CFHR5: variants seen among roughly 807,000 people sequenced by gnomAD.
CFHR5 encodes the protein complement factor H-related protein 5.
A neutral mutation model predicts 62.9 loss-of-function variants in CFHR5; 73 were observed. The ratio of observed to expected loss-of-function variants is 1.16; its 90% CI spans 0.96 to 1.41. CFHR5 has a LOEUF of 1.41. Among genes scored for constraint, CFHR5 ranks in the 40% most tolerant of loss-of-function variants. The probability of loss-of-function intolerance (pLI) is 0.00; values close to 1 mark genes in which losing one functional copy is unlikely to be tolerated. For missense variants in CFHR5, 779 were observed against 679.9 expected (o/e 1.15, Z -1.62); for synonymous variants, 249 against 227.2 (o/e 1.10, Z -0.86).
chr1:196,991,770 G>A (rs948491974), intron 3 of CFHR5, among the ~76,000 whole-genome samples: 4 of 152,078 alleles, frequency 2.6e-5, no homozygotes, highest in Admixed American at 6.5e-5. Flanking sequence ...TCATCCCAGC[G>A]GGGCACCCAC....
At chr1:196,995,670 A>C (rs1222525351) in intron 4 of CFHR5, 47 bp from the exon 5 acceptor site, 1 of 1,520,822 alleles carries the variant, frequency 6.6e-7, no homozygotes, top group Non-Finnish European at 9.1e-7. Context: ...ACATTTTTCT[A>C]TACTTATAAG....
intron 4 of CFHR5, among the ~76,000 whole-genome samples, chr1:196,995,435 T>C (rs1653963380): frequency 6.6e-6 from 1 of 152,184 alleles, no homozygotes. Context: ...AATAAGTAAA[T>C]AGGGCAAAGT....
intron 4 of CFHR5, among the ~76,000 whole-genome samples, chr1:196,994,786 G>A (rs1653945628): frequency 6.6e-6 from 1 of 152,100 alleles, no homozygotes; most frequent in South Asian, 2.1e-4. Flanking sequence ...GAGTTTTAAT[G>A]GACTCACAGT....
intron 7 of CFHR5, among the ~76,000 whole-genome samples, chr1:197,000,977 C>T (rs114993475): frequency 0.011 from 1,733 of 152,222 alleles, 33 homozygotes; most frequent in African/African-American, 0.037. Flanking sequence ...AGACTTTCTT[C>T]AAACTCATGA....
chr1:196,986,512 C>A (rs1247011796), intron 3 of CFHR5, among the ~76,000 whole-genome samples: 1 of 152,030 alleles, frequency 6.6e-6, no homozygotes, highest in Non-Finnish European at 1.5e-5. Context: ...AATGCTACCC[C>A]TCCCCTACCT....
Position 197,002,496 on chromosome 1 carries a change from T to C in CFHR5, c.1162T>C (p.Phe388Leu), listed in dbSNP as rs541673379. 6.2e-6 allele frequency: 10 copies of C among 1,613,138 alleles called. No homozygotes were observed. The South Asian group carries it at 1.1e-4, about 18-fold the overall frequency. The change falls in exon 8 of 10, where the codon TTC becomes CTC. Residue 388 changes from phenylalanine to leucine, a missense_variant. Coordinates refer to ENST00000256785, the MANE Select transcript of CFHR5 (RefSeq NM_030787.4). ...EVDCTEKREQ[F>L]CPPPPQIPNA... is the part of the protein sequence containing the mutation. ...ATATTTTGTAGAAAAAAGGGAACAA[T>C]TCTGCCCACCGCCACCTCAGATACC... is the stretch of plus-strand genomic sequence containing the variant.
At position 196,985,570 on chromosome 1, in the gene CFHR5, A is replaced by G. The variant is rs967833007; in HGVS notation, c.430+1433A>G. Among the ~76,000 whole-genome samples, 4 of 152,084 alleles carry G rather than the reference A, an allele frequency of 2.6e-5. No homozygotes were observed. In the South Asian group the frequency reaches 8.3e-4, roughly 31 times the overall value. ...AAAGGGTTCAAAATGTATAGGCTTC[A>G]GTTATGGTATAAATATTTCCATGCT... is the stretch of plus-strand genomic sequence containing the variant. On this transcript the variant is annotated intron_variant, in intron 3 of 9. Coordinates refer to ENST00000256785, the MANE Select transcript of CFHR5 (RefSeq NM_030787.4).
intron 7 of CFHR5, 53 bp downstream of exon 7, chr1:196,998,357 A>G (rs543369125): frequency 1.4e-6 from 2 of 1,388,290 alleles, no homozygotes; most frequent in East Asian, 4.8e-5. Flanking sequence ...TACAAGAAAA[A>G]TTATTTTGAA....
At chr1:196,981,905 C>A (rs1251165816) in intron 1 of CFHR5, among the ~76,000 whole-genome samples, 1 of 148,516 alleles carries the variant, frequency 6.7e-6, no homozygotes, top group African/African-American at 2.5e-5. Context: ...ATTGTTTTTT[C>A]TTTTTCAGAT....
At position 196,994,300 on chromosome 1, in the gene CFHR5, T is replaced by A. The variant is rs760541432; in HGVS notation, c.607+44T>A. The A allele has an allele frequency of 2.1e-6, 3 of 1,421,832 alleles. No individual in the cohort carries two copies. In the African/African-American group the frequency reaches 4.2e-5, roughly 20 times the overall value. 88.1% of individuals were successfully genotyped at this position (1,421,832 alleles called of 1,614,324 possible). A position where few individuals can be genotyped will look rare whatever the true frequency, so the allele number is the denominator to read the frequency against. On this transcript the variant is annotated intron_variant, in intron 4 of 9. Transcript: ENST00000256785. ...AGTGATGAAACAAGAATTTGATTTT[T>A]ATAATAATGCCCATATATTTTTATT...
intron 9 of CFHR5, 119 bp downstream of exon 9, chr1:197,004,962 A>C: frequency 1.2e-6 from 1 of 807,660 alleles, no homozygotes; most frequent in Non-Finnish European, 2.0e-6. Context: ...TTTCCTGTCA[A>C]ATGTAAATAC....
intron 7 of CFHR5, among the ~76,000 whole-genome samples, chr1:196,999,691 A>ATG (rs1654081924): frequency 0.012 from 411 of 33,036 alleles, 6 homozygotes; most frequent in Middle Eastern, 0.071. Context: ...AAGTATATAT[A>ATG]TATATATATA....
intron 3 of CFHR5, among the ~76,000 whole-genome samples, chr1:196,989,363 AT>A (rs1653780176): frequency 6.6e-6 from 1 of 151,892 alleles, no homozygotes; most frequent in Non-Finnish European, 1.5e-5. Context: ...TGTTGTCTCT[AT>A]CTCCTTCAGT....
chr1:196,998,402 C>A, intron 7 of CFHR5, 98 bp downstream of exon 7: 4 of 1,001,176 alleles, frequency 4.0e-6, no homozygotes, highest in Non-Finnish European at 6.1e-6. Context: ...TTTATTGTGG[C>A]ATATAATTTC....
At chr1:197,001,097 G>A (rs890693225) in intron 7 of CFHR5, among the ~76,000 whole-genome samples, 1 of 152,122 alleles carries the variant, frequency 6.6e-6, no homozygotes, top group African/African-American at 2.4e-5. Flanking sequence ...GACTGGTCTT[G>A]TTAATGGTTG....
chr1:196,980,085 G>A (rs921420236), intron 1 of CFHR5, among the ~76,000 whole-genome samples: 8 of 151,866 alleles, frequency 5.3e-5, no homozygotes, highest in Admixed American at 3.3e-4. Flanking sequence ...CTCGGCCTAC[G>A]GAGGGTCAGG....
chr1:196,978,583 A>G (rs966334207), intron 1 of CFHR5, among the ~76,000 whole-genome samples: 4 of 152,196 alleles, frequency 2.6e-5, no homozygotes, highest in African/African-American at 9.6e-5. Context: ...CAGTCCTGAC[A>G]TAAGAGAAAA....
intron 9 of CFHR5, among the ~76,000 whole-genome samples, chr1:197,008,155 C>G (rs867260343): frequency 4.8e-4 from 72 of 151,042 alleles, no homozygotes; most frequent in African/African-American, 1.6e-3. Flanking sequence ...TCTAAACAAA[C>G]AACATTCATG....
upstream of CFHR5, among the ~76,000 whole-genome samples, chr1:196,976,799 CTT>C (rs10588279): frequency 1.2e-3 from 114 of 98,126 alleles, no homozygotes; most frequent in South Asian, 2.8e-3. Flanking sequence ...AAAAATTATT[CTT>C]TTTTTTTTTT....
Sources: allele counts gnomAD v4.1 joint callset (sites outside exome capture counted in the v4.1 genomes callset), GRCh38; gene constraint gnomAD v4.1.1; transcripts MANE v1.5; gene names NCBI Gene and HGNC (gene_info 2026-07-23, HGNC 2026-07-21).